CEP290: variants seen among roughly 807,000 people sequenced by gnomAD.
The protein encoded by CEP290 is centrosomal protein 290.
Under a neutral mutation model 344.9 loss-of-function variants are expected in CEP290, and 317 were observed. That is an observed-to-expected ratio of 0.92 (90% CI 0.84 to 1.01). The LOEUF is 1.01. CEP290 is among the 50% of genes least tolerant of loss of function. CEP290 has a pLI of 0.00. For synonymous variants in CEP290, 932 were observed against 895.8 expected, an observed-to-expected ratio of 1.04 and a Z score of -0.72; for missense variants, 2,754 against 2,761.4, an observed-to-expected ratio of 1.00 and a Z score of 0.06.
rs141705537 is a variant in CEP290, at chr12:88,072,103, C to T, written c.5710-177G>A. 1.3e-3 allele frequency among the ~76,000 whole-genome samples: 195 copies of T among 152,040 alleles called. 1 individual carries two copies. The Middle Eastern group carries it at 0.034, about 27-fold the overall frequency. ...CCCTTACGAAACGCTTGGAACCAGC[C>T]GTGTTTTAGAATTTGGATTTTTTTA... On this transcript the variant is annotated intron_variant, in intron 41 of 53. Transcript: ENST00000552810.
rs756197493 is a variant in CEP290, at chr12:88,136,801, C to T, written c.298-15G>A. The T allele has an allele frequency of 8.7e-6, 14 of 1,611,294 alleles. No individual in the cohort carries two copies. The South Asian group carries it at 1.3e-4, about 15-fold the overall frequency. ...TGCTGAGCCATCTTAAAGTAATAAA[C>T]CCAAAGTATAAATTAATCCCATTAT... On this transcript the variant is annotated splice_polypyrimidine_tract_variant and intron_variant, in intron 5 of 53. Transcript: ENST00000552810.
At position 88,109,209 on chromosome 12, in the gene CEP290, C is replaced by CA. The variant is rs201741056; in HGVS notation, c.2368-29dup. The CA allele has an allele frequency of 1.9e-3, 1,224 of 643,608 alleles. 2 individuals carry two copies. The highest frequency in any genetic ancestry group is 4.1e-3 in the Admixed American group (104 of 25,066). 39.9% of individuals were successfully genotyped at this position (643,608 alleles called of 1,614,324 possible). On this transcript the variant is annotated intron_variant, in intron 22 of 53. Coordinates refer to ENST00000552810, the MANE Select transcript of CEP290 (RefSeq NM_025114.4). ...GAAAAGTGGTTTAGAAATAAGAATG[C>CA]AAAAAAAAACACAATAGAATAAATG...
intron 44 of CEP290, among the ~76,000 whole-genome samples, chr12:88,067,635 C>T (rs2035043688): frequency 6.6e-6 from 1 of 152,152 alleles, no homozygotes; most frequent in Non-Finnish European, 1.5e-5. Flanking sequence ...TATTCTCTTC[C>T]TCATTTTTAT....
At chr12:88,119,019 A>G (rs1403009270) in intron 15 of CEP290, among the ~76,000 whole-genome samples, 2 of 152,208 alleles carry the variant, frequency 1.3e-5, no homozygotes, top group Non-Finnish European at 2.9e-5. Flanking sequence ...TATGACAGCT[A>G]CCTAGACGGG....
At chr12:88,063,950 T>A in intron 45 of CEP290, 31 bp downstream of exon 45, 1 of 1,555,806 alleles carries the variant, frequency 6.4e-7, no homozygotes, top group Non-Finnish European at 8.7e-7. Flanking sequence ...TTTTAGGCAT[T>A]AGATTTCCTA....
Position 88,064,010 on chromosome 12 carries a change from G to A in CEP290, c.6241C>T (p.Gln2081Ter). 1 of 1,598,188 alleles carries A rather than the reference G, an allele frequency of 6.3e-7. No homozygotes were observed. Among genetic ancestry groups the A allele is most frequent in the Non-Finnish European group, 8.5e-7 (1 of 1,172,286 alleles). Residue 2081 changes from glutamine to a stop codon, truncating the protein, a stop_gained, in exon 45 of 54, where the codon CAA becomes TAA. Transcript: ENST00000552810. LOFTEE classifies it high-confidence loss of function. ...AATCTTGGCAAATCTTTATTTGCTT[G>A]TTCAAGCTGAAATTTCAGTTCAATA... ...ENIELKFQLEQANKDLPRLKN... is the reference protein window; with the variant it reads ...ENIELKFQLE
intron 53 of CEP290, 146 bp from the exon 54 acceptor site, chr12:88,049,560 C>T: frequency 1.7e-6 from 1 of 593,770 alleles, no homozygotes; most frequent in South Asian, 2.2e-5. Flanking sequence ...TAAGATTTTT[C>T]TTTGTTCCAT....
In CEP290 at chr12:88,086,499, C is replaced by T. The variant is rs751807811; in HGVS notation, c.4195-1G>A. The T allele has an allele frequency of 2.5e-6, 4 of 1,580,812 alleles. No individual in the cohort carries two copies. The highest frequency in any genetic ancestry group is 2.6e-6 in the Non-Finnish European group (3 of 1,161,126). ...AGGCCATTTGTCTTTCTTCATGAAACTAAAAAAAGGACAATTTGTGTCAGA... is the reference window on the plus strand; with the variant it reads ...AGGCCATTTGTCTTTCTTCATGAAATTAAAAAAAGGACAATTTGTGTCAGA... On this transcript the variant is annotated splice_acceptor_variant, in intron 32 of 53. Coordinates refer to ENST00000552810, the MANE Select transcript of CEP290 (RefSeq NM_025114.4). LOFTEE classifies it high-confidence loss of function.
intron 25 of CEP290, chr12:88,104,089 A>C (rs1216261377): frequency 6.6e-6 from 1 of 152,162 alleles, no homozygotes; most frequent in Non-Finnish European, 1.5e-5. Context: ...TTCTAAAAAA[A>C]TCTAACACAA....
chr12:88,127,805 G>GA (rs1267738256), intron 11 of CEP290, among the ~76,000 whole-genome samples: 22 of 151,962 alleles, frequency 1.4e-4, no homozygotes, highest in Middle Eastern at 6.8e-3. Flanking sequence ...CCCAAAATTG[G>GA]AAACTTCATA....
intron 6 of CEP290, among the ~76,000 whole-genome samples, chr12:88,133,386 C>A (rs2040190966): frequency 6.6e-6 from 1 of 152,096 alleles, no homozygotes; most frequent in East Asian, 1.9e-4. Context: ...CACGCTTGAC[C>A]TCTCATTCTC....
chr12:88,114,333 T>G, intron 20 of CEP290, 87 bp downstream of exon 20: 1 of 1,032,934 alleles, frequency 9.7e-7, no homozygotes, highest in African/African-American at 1.7e-5. Context: ...TAAAAATATC[T>G]CATCAGAAAC....
At chr12:88,131,265 G>T in intron 6 of CEP290, 47 bp from the exon 7 acceptor site, 3 of 1,334,904 alleles carry the variant, frequency 2.2e-6, no homozygotes, top group Non-Finnish European at 2.9e-6. Context: ...ATAAAATTCA[G>T]CAGTAATTTT....
At chr12:88,086,529 T>C (rs1183411768) in intron 32 of CEP290, 31 bp from the exon 33 acceptor site, 6 of 1,489,510 alleles carry the variant, frequency 4.0e-6, no homozygotes, top group South Asian at 1.2e-5. Flanking sequence ...GTCAGACACA[T>C]ACACGAAGAC....
intron 8 of CEP290, 59 bp from the exon 9 acceptor site, chr12:88,130,479 T>A: frequency 1.3e-6 from 2 of 1,594,254 alleles, no homozygotes; most frequent in Non-Finnish European, 1.7e-6. Context: ...CAAAATCATA[T>A]CCTCTAAATA....
rs768649412 is a variant in CEP290 at position 88,121,033 on chromosome 12, T to C, written c.1323A>G (p.Leu441=). The C allele has an allele frequency of 1.2e-6, 2 of 1,613,380 alleles. No homozygotes were observed. The highest frequency in any genetic ancestry group is 8.5e-7 in the Non-Finnish European group (1 of 1,179,702). ...CTTTTAACCTCTTCAGAGCCTCAAC[T>C]AATTCTTTATCCTTTTCCCTAGCAT... ...EADAREKDKE[L]VEALKRLKDY... The change falls in exon 14 of 54, where the codon TTA becomes TTG. Residue 441 remains leucine, a synonymous_variant. Coordinates refer to ENST00000552810, the MANE Select transcript of CEP290 (RefSeq NM_025114.4).
In CEP290 at chr12:88,130,316, C is replaced by T; in HGVS notation, c.621G>A (p.Gln207=). 4.4e-6 allele frequency: 7 copies of T among 1,607,264 alleles called. No homozygotes were observed. The highest frequency in any genetic ancestry group is 5.9e-6 in the Non-Finnish European group (7 of 1,177,738). ...RRGEDSDYRS[Q]LSKKNYELIQ... ...TAAGCTCATAGTTTTTTTTAGACAA[C>T]TGTGATCGGTAGTCACTGTCTTCCC... The change falls in exon 9 of 54, where the codon CAG becomes CAA. Residue 207 remains glutamine (Q), a synonymous_variant. Transcript: ENST00000552810.
At position 88,129,048 on chromosome 12, in the gene CEP290, G is replaced by A. The variant is rs777502685; in HGVS notation, c.853-13C>T. On this transcript the variant is annotated splice_polypyrimidine_tract_variant and intron_variant, in intron 10 of 53. Coordinates refer to ENST00000552810, the MANE Select transcript of CEP290 (RefSeq NM_025114.4). ...TAAGCTCCTGCACCTAAAAGACAAA[G>A]TTATTTCAAGAGTTGTTGCAAACTG... 3 of 1,170,148 alleles carry A rather than the reference G, an allele frequency of 2.6e-6. No individual in the cohort carries two copies. The highest frequency in any genetic ancestry group is 1.7e-5 in the South Asian group (1 of 57,550). 72.5% of individuals were successfully genotyped at this position (1,170,148 alleles called of 1,614,324 possible). A position where few individuals can be genotyped will look rare whatever the true frequency, so the allele number is the denominator to read the frequency against.
At chr12:88,084,913 C>T in intron 34 of CEP290, 61 bp from the exon 35 acceptor site, 1 of 1,321,400 alleles carries the variant, frequency 7.6e-7, no homozygotes, top group Non-Finnish European at 1.0e-6. Flanking sequence ...AATGCTTCAT[C>T]TGAATTTTAG....
Sources: allele counts gnomAD v4.1 joint callset (sites outside exome capture counted in the v4.1 genomes callset), GRCh38; gene constraint gnomAD v4.1.1; transcripts MANE v1.5; gene names NCBI Gene and HGNC (gene_info 2026-07-23, HGNC 2026-07-21).